Variants in SPAG17 observed in about 807,000 individuals in gnomAD.
The protein encoded by SPAG17 is sperm associated antigen 17, also known as sperm-associated antigen 17.
In SPAG17, 169 loss-of-function variants were observed where a neutral mutation model predicts 273.6. That is an observed-to-expected ratio of 0.62 (90% CI 0.55 to 0.70). The LOEUF is 0.70. Ranked by LOEUF, SPAG17 falls within the 30% of genes least tolerant of loss-of-function variation. The pLI, the probability that SPAG17 is intolerant of heterozygous loss-of-function variation, is 0.00. For synonymous variants in SPAG17, 825 were observed against 873.2 expected (o/e 0.94, Z 0.97); for missense variants, 2,557 against 2,627.8 (o/e 0.97, Z 0.59).
intron 18 of SPAG17, among the ~76,000 whole-genome samples, chr1:118,062,837 T>C (rs1652490484): frequency 6.6e-6 from 1 of 152,210 alleles, no homozygotes; most frequent in South Asian, 2.1e-4. Context: ...AAAAACTGAC[T>C]ACATATTAAA....
At chr1:118,094,207 T>A (rs1655568319) in intron 7 of SPAG17, among the ~76,000 whole-genome samples, 1 of 152,230 alleles carries the variant, frequency 6.6e-6, no homozygotes, top group Non-Finnish European at 1.5e-5. Flanking sequence ...AATCTGGTAT[T>A]GCTTGCCCAA....
chr1:118,184,189 A>T (rs139302750), intron 1 of SPAG17, among the ~76,000 whole-genome samples: 1 of 152,136 alleles, frequency 6.6e-6, no homozygotes, highest in Non-Finnish European at 1.5e-5. Context: ...CTAGTGCACC[A>T]TACAGACATA....
intron 4 of SPAG17, among the ~76,000 whole-genome samples, chr1:118,113,930 ACTC>A (rs1430772468): frequency 6.6e-6 from 1 of 152,112 alleles, no homozygotes; most frequent in East Asian, 1.9e-4. Flanking sequence ...TCTACAGTCT[ACTC>A]CTATGATAAA....
chr1:118,157,518 T>C (rs1271298856), intron 1 of SPAG17, among the ~76,000 whole-genome samples: 1 of 152,134 alleles, frequency 6.6e-6, no homozygotes, highest in East Asian at 1.9e-4. Context: ...CTCCTGACCA[T>C]TTCCCTACTT....
chr1:117,962,968 A>G (rs924257084), intron 48 of SPAG17: 15 of 152,258 alleles, frequency 9.9e-5, no homozygotes, highest in African/African-American at 2.4e-4. Context: ...ACTGTCTGCA[A>G]TCCACCCCCA....
At chr1:118,148,376 A>C (rs994727240) in intron 3 of SPAG17, among the ~76,000 whole-genome samples, 7 of 152,104 alleles carry the variant, frequency 4.6e-5, no homozygotes, top group African/African-American at 1.4e-4. Context: ...AATCCTCCAC[A>C]CTCGGCAAGG....
At chr1:118,122,835 T>C (rs1657496895) in intron 3 of SPAG17, among the ~76,000 whole-genome samples, 1 of 152,096 alleles carries the variant, frequency 6.6e-6, no homozygotes, top group Non-Finnish European at 1.5e-5. Flanking sequence ...CAGGACAGAG[T>C]TGGGATTCTT....
In SPAG17 at chr1:118,128,146, T is replaced by C. The variant is rs372785288; in HGVS notation, c.316-12705A>G. Among the ~76,000 whole-genome samples the C allele has an allele frequency of 3.9e-5, 6 of 152,022 alleles. No homozygotes were observed. The East Asian group carries it at 9.7e-4, about 24-fold the overall frequency. ...AAAAAGAAAAAAAAAAAAAGATTCC[T>C]AGGCATTTTACTTTATTTTTGTGCA... On this transcript the variant is annotated intron_variant, in intron 3 of 48. Coordinates refer to ENST00000336338, the MANE Select transcript of SPAG17 (RefSeq NM_206996.4).
chr1:117,981,496 T>C, intron 42 of SPAG17, 95 bp from the exon 43 acceptor site: 1 of 1,313,356 alleles, frequency 7.6e-7, no homozygotes, highest in Non-Finnish European at 1.0e-6. Context: ...AGAAGGTGTT[T>C]TACAATGAAT....
At chr1:118,126,523 AT>A in intron 3 of SPAG17, among the ~76,000 whole-genome samples, 1 of 151,492 alleles carries the variant, frequency 6.6e-6, no homozygotes, top group Middle Eastern at 3.4e-3. Context: ...TCCTTTATCC[AT>A]TTTTTAATTA....
intron 26 of SPAG17, among the ~76,000 whole-genome samples, chr1:118,025,850 A>G (rs1336045238): frequency 6.6e-6 from 1 of 152,178 alleles, no homozygotes; most frequent in African/African-American, 2.4e-5. Context: ...GTTATGACAG[A>G]TGGTCTAGAA....
intron 23 of SPAG17, among the ~76,000 whole-genome samples, chr1:118,038,220 AAAC>A (rs1319889356): frequency 6.6e-6 from 1 of 152,186 alleles, no homozygotes; most frequent in African/African-American, 2.4e-5. Context: ...ATGCAGATTA[AAAC>A]AACAAGATAC....
intron 46 of SPAG17, among the ~76,000 whole-genome samples, chr1:117,967,692 A>G (rs573691207): frequency 6.6e-6 from 1 of 152,306 alleles, no homozygotes; most frequent in East Asian, 1.9e-4. Flanking sequence ...GATTGCACCA[A>G]CAAAGAAGAA....
chr1:118,161,444 G>A (rs1227003612), intron 1 of SPAG17, among the ~76,000 whole-genome samples: 1 of 152,168 alleles, frequency 6.6e-6, no homozygotes. Context: ...GAGGGTGGAG[G>A]TGTCTGAAGT....
In SPAG17 at chr1:118,073,933, TC is replaced by T; in HGVS notation, c.2305del (p.Glu769ArgfsTer3). ...PKKMMVEADLEDIKKTQQRSL... is the reference protein window; with the variant it reads ...PKKMMVEADLXDIKKTQQRSL... ...GCGCTGCTGTGTTTTCTTTATGTCC[TC>T]TAAATCTGCTTCCACCATCATCTTC... On this transcript the variant is annotated frameshift_variant, in exon 17 of 49. Coordinates refer to ENST00000336338, the MANE Select transcript of SPAG17 (RefSeq NM_206996.4). LOFTEE classifies it high-confidence loss of function. 1 of 1,568,312 alleles carries T rather than the reference TC, an allele frequency of 6.4e-7. No individual in the cohort carries two copies. The highest frequency in any genetic ancestry group is 8.6e-7 in the Non-Finnish European group (1 of 1,165,064).
intron 32 of SPAG17, among the ~76,000 whole-genome samples, chr1:118,004,338 C>T (rs537028840): frequency 3.9e-5 from 6 of 152,334 alleles, no homozygotes; most frequent in African/African-American, 1.4e-4. Context: ...AGAACCACTG[C>T]TCTCTTCAGA....
At chr1:118,045,584 G>A (rs889792870) in intron 20 of SPAG17, among the ~76,000 whole-genome samples, 1 of 152,184 alleles carries the variant, frequency 6.6e-6, no homozygotes, top group Non-Finnish European at 1.5e-5. Context: ...AACCAGAATA[G>A]TAAGCACAGT....
intron 38 of SPAG17, among the ~76,000 whole-genome samples, chr1:117,988,554 A>T (rs774297964): frequency 6.6e-6 from 1 of 152,160 alleles, no homozygotes; most frequent in Non-Finnish European, 1.5e-5. Flanking sequence ...TTTTCTGGAT[A>T]TTTTCCTGTT....
At chr1:117,999,887 A>G (rs1658086142) in intron 32 of SPAG17, among the ~76,000 whole-genome samples, 1 of 152,160 alleles carries the variant, frequency 6.6e-6, no homozygotes, top group South Asian at 2.1e-4. Flanking sequence ...TTTAGTCATG[A>G]AGTACTTGCC....
Sources: allele counts gnomAD v4.1 joint callset (sites outside exome capture counted in the v4.1 genomes callset), GRCh38; gene constraint gnomAD v4.1.1; transcripts MANE v1.5; gene names NCBI Gene and HGNC (gene_info 2026-07-23, HGNC 2026-07-21).